Variants in HNF4G observed in about 807,000 individuals in gnomAD.
HNF4G encodes hepatocyte nuclear factor 4 gamma, also known as hepatocyte nuclear factor 4-gamma.
A neutral mutation model predicts 50.9 loss-of-function variants in HNF4G; 21 were observed. The ratio of observed to expected loss-of-function variants is 0.41; its 90% confidence interval spans 0.29 to 0.59. HNF4G has a LOEUF of 0.59. Ranked by LOEUF, HNF4G falls within the 20% of genes least tolerant of loss-of-function variation. The probability of loss-of-function intolerance (pLI) is 0.26; values close to 1 mark genes in which losing one functional copy is unlikely to be tolerated. For missense variants in HNF4G, 527 were observed against 559.4 expected (o/e 0.94, Z 0.58); for synonymous variants, 198 against 185.6 (o/e 1.07, Z -0.54).
intron 1 of HNF4G, among the ~76,000 whole-genome samples, chr8:75,484,412 T>C (rs1812450373): frequency 6.6e-6 from 1 of 152,214 alleles, no homozygotes; most frequent in Non-Finnish European, 1.5e-5. Context: ...CTTTGAGTTC[T>C]GAGCCAGAGT....
chr8:75,450,607 T>C (rs1811561875), intron 1 of HNF4G, among the ~76,000 whole-genome samples: 1 of 152,230 alleles, frequency 6.6e-6, no homozygotes, highest in African/African-American at 2.4e-5. Context: ...TAGTGGTCTT[T>C]CATCTTGATA....
chr8:75,505,185 T>C (rs1333776072), intron 2 of HNF4G, among the ~76,000 whole-genome samples: 1 of 152,176 alleles, frequency 6.6e-6, no homozygotes, highest in Non-Finnish European at 1.5e-5. Context: ...ACCCACTAAA[T>C]GTTGGTAGTT....
At chr8:75,509,042 C>T (rs750579069) in intron 2 of HNF4G, among the ~76,000 whole-genome samples, 17 of 152,096 alleles carry the variant, frequency 1.1e-4, no homozygotes, top group Admixed American at 7.2e-4. Flanking sequence ...GAAATGTGTC[C>T]GAAGAGGGTG....
In HNF4G at chr8:75,442,196, CAG is replaced by C. The variant is rs149175914; in HGVS notation, c.-144+34039_-144+34040del. Among the ~76,000 whole-genome samples, 516 of 152,106 alleles carry C rather than the reference CAG, an allele frequency of 3.4e-3. 5 individuals are homozygous for C. The highest frequency in any genetic ancestry group is 0.011 in the African/African-American group (476 of 41,506). On this transcript the variant is annotated intron_variant, in intron 1 of 10. Coordinates refer to the HNF4G transcript ENST00000354370. ...TATTATCACAGGATAGAAATTACCC[CAG>C]AGAGTGGAGATTTAATCAAGTTAAG...
chr8:75,429,362 TTCTC>T (rs944813282), intron 1 of HNF4G, among the ~76,000 whole-genome samples: 10 of 151,996 alleles, frequency 6.6e-5, no homozygotes, highest in South Asian at 2.1e-4. Flanking sequence ...TTCTCTCTCT[TTCTC>T]TCTTTTTTTT....
rs1227586179 is a variant in HNF4G at position 75,514,216 on chromosome 8, A to AT, written c.-24+24016dup. 4.0e-5 allele frequency among the ~76,000 whole-genome samples: 6 copies of AT among 151,574 alleles called. No homozygotes were observed. In the South Asian group the frequency reaches 6.2e-4, roughly 16 times the overall value. The stretch of plus-strand genomic sequence containing the variant: ...TAGTGATTCTTTTACATGTATAATG[A>AT]TTTTTTTTGGTCTTCAAATTTCTTT... On this transcript the variant is annotated intron_variant, in intron 2 of 10. Transcript: ENST00000354370.
intron 2 of HNF4G, among the ~76,000 whole-genome samples, chr8:75,496,341 C>T (rs1812764149): frequency 6.6e-6 from 1 of 151,860 alleles, no homozygotes; most frequent in South Asian, 2.1e-4. Context: ...GTTCTAGCAG[C>T]TTCCTGAATA....
chr8:75,434,993 A>G (rs1301508012), intron 1 of HNF4G, among the ~76,000 whole-genome samples: 1 of 152,178 alleles, frequency 6.6e-6, no homozygotes, highest in Non-Finnish European at 1.5e-5. Flanking sequence ...ACAGTTAAGG[A>G]ACCTATAATT....
rs1449770351 is a variant in HNF4G, at chr8:75,475,470, G to A, written c.-143-14619G>A. 2.0e-5 allele frequency among the ~76,000 whole-genome samples: 3 copies of A among 152,270 alleles called. 1 individual carries two copies. The highest frequency in any genetic ancestry group is 4.1e-4 in the South Asian group (2 of 4,824). On this transcript the variant is annotated intron_variant, in intron 1 of 10. Transcript: ENST00000354370. ...TATAATTAAGAGAAAGATAGAACAT[G>A]AGCCTATGCATGTTTATGTGTGTGC...
At chr8:75,416,354 T>C (rs1228774889) in intron 1 of HNF4G, among the ~76,000 whole-genome samples, 2 of 152,178 alleles carry the variant, frequency 1.3e-5, no homozygotes, top group Admixed American at 1.3e-4. Flanking sequence ...AATAGACTCA[T>C]GATTTGGACA....
At position 75,565,230 on chromosome 8, in the gene HNF4G, T is replaced by C. The variant is rs1357922510; in HGVS notation, c.*1134T>C. 2 of 152,204 alleles carry C rather than the reference T, an allele frequency of 1.3e-5. No individual in the cohort carries two copies. The highest frequency in any genetic ancestry group is 2.9e-5 in the Non-Finnish European group (2 of 68,032). The allele number at this position is 152,204 out of a possible 1,614,324, so 9.4% of individuals were successfully genotyped here. On this transcript the variant is annotated 3_prime_UTR_variant, in exon 10 of 10. Coordinates refer to ENST00000396423, the MANE Select transcript of HNF4G (RefSeq NM_004133.5). ...AACTTCTTACTCATAGTGTGGTTTTTAAATATATGCAGTTGAGTGATGATT... is the reference window on the plus strand; with the variant it reads ...AACTTCTTACTCATAGTGTGGTTTTCAAATATATGCAGTTGAGTGATGATT...
chr8:75,470,381 G>A (rs1812087348), intron 1 of HNF4G, among the ~76,000 whole-genome samples: 1 of 152,124 alleles, frequency 6.6e-6, no homozygotes, highest in Non-Finnish European at 1.5e-5. Flanking sequence ...TTTTATGGCA[G>A]GATTACCTCA....
At chr8:75,492,883 C>T (rs1276320953) in intron 2 of HNF4G, among the ~76,000 whole-genome samples, 1 of 152,108 alleles carries the variant, frequency 6.6e-6, no homozygotes. Context: ...CACTCTCTGC[C>T]TTTTCCCTTT....
chr8:75,552,910 T>G (rs558337745), intron 4 of HNF4G, 132 bp from the exon 5 acceptor site: 1 of 556,128 alleles, frequency 1.8e-6, no homozygotes, highest in South Asian at 2.9e-5. Context: ...AAATGTTTAG[T>G]ATTTGTCAAG....
At chr8:75,450,887 C>T (rs1811568642) in intron 1 of HNF4G, among the ~76,000 whole-genome samples, 2 of 152,128 alleles carry the variant, frequency 1.3e-5, no homozygotes, top group Admixed American at 1.3e-4. Context: ...GTTCAGAGTT[C>T]TCTCGCTGTG....
intron 1 of HNF4G, among the ~76,000 whole-genome samples, chr8:75,467,570 G>C (rs1216122414): frequency 2.6e-5 from 4 of 151,872 alleles, no homozygotes; most frequent in Non-Finnish European, 4.4e-5. Context: ...TGAGAGAGGG[G>C]AATCACTTGA....
intron 2 of HNF4G, among the ~76,000 whole-genome samples, chr8:75,546,259 G>A (rs747612207): frequency 2.0e-5 from 3 of 152,120 alleles, no homozygotes; most frequent in Non-Finnish European, 4.4e-5. Flanking sequence ...TTTTGTGCAA[G>A]TCCTTCTCTT....
intron 2 of HNF4G, among the ~76,000 whole-genome samples, chr8:75,514,918 T>G (rs1036248138): frequency 2.6e-5 from 4 of 152,162 alleles, no homozygotes; most frequent in Non-Finnish European, 4.4e-5. Context: ...TTATTTTACT[T>G]ACTAAACTAT....
At chr8:75,420,089 G>A (rs569064795) in intron 1 of HNF4G, among the ~76,000 whole-genome samples, 4 of 149,522 alleles carry the variant, frequency 2.7e-5, no homozygotes, top group African/African-American at 9.8e-5. Flanking sequence ...CCAATTTTTT[G>A]CTTAAATCAA....
Sources: allele counts gnomAD v4.1 joint callset (sites outside exome capture counted in the v4.1 genomes callset), GRCh38; gene constraint gnomAD v4.1.1; transcripts MANE v1.5; gene names NCBI Gene and HGNC (gene_info 2026-07-23, HGNC 2026-07-21).